CR1: variants seen among roughly 807,000 people sequenced by gnomAD.
The protein encoded by CR1 is complement receptor type 1.
A neutral mutation model predicts 187.3 loss-of-function variants in CR1; 116 were observed. That is an observed-to-expected ratio of 0.62 (90% CI 0.53 to 0.72). CR1 has a LOEUF of 0.72. Ranked by LOEUF, CR1 falls within the 30% of genes least tolerant of loss-of-function variation. The pLI is 0.00. For synonymous variants in CR1, 576 were observed against 747.1 expected (o/e 0.77, Z 3.73); for missense variants, 1,731 against 2,110.7 (o/e 0.82, Z 3.52).
intron 24 of CR1, among the ~76,000 whole-genome samples, chr1:207,567,010 A>C (rs1379484953): frequency 2.0e-5 from 3 of 150,336 alleles, no homozygotes; most frequent in Non-Finnish European, 2.9e-5. Context: ...TACTATCATG[A>C]ATGAAAGCTC....
rs1473240718 is a variant in CR1, at chr1:207,640,590, A to G, written c.*1181A>G. 6.6e-6 allele frequency: 1 copy of G among 152,242 alleles called. No homozygotes were observed. Among genetic ancestry groups the G allele is most frequent in the Admixed American group, 6.5e-5 (1 of 15,284 alleles). 9.4% of individuals were successfully genotyped at this position (152,242 alleles called of 1,614,324 possible). A position where few individuals can be genotyped will look rare whatever the true frequency, so the allele number is the denominator to read the frequency against. ...GAATATACTAAATTAACTTTTTAAA[A>G]CACAACTTTTAAAAAATGTATCAAA... On this transcript the variant is annotated 3_prime_UTR_variant, in exon 47 of 47. Coordinates refer to ENST00000367049, the MANE Select transcript of CR1 (RefSeq NM_000651.6).
In CR1 at chr1:207,583,648, A is replaced by C. The variant is rs183836790; in HGVS notation, c.5303-1001A>C. Among the ~76,000 whole-genome samples, 309 of 152,364 alleles carry C rather than the reference A, an allele frequency of 2.0e-3. 2 individuals carry two copies. The highest frequency in any genetic ancestry group is 7.2e-3 in the African/African-American group (301 of 41,574). On this transcript the variant is annotated intron_variant, in intron 32 of 46. Transcript: ENST00000367049. ...ACATGTTTACAATAGAATTTTGCTCATATGAATACTTTGCCTTAAATCATT... is the reference window on the plus strand; with the variant it reads ...ACATGTTTACAATAGAATTTTGCTCCTATGAATACTTTGCCTTAAATCATT...
Position 207,565,261 on chromosome 1 carries a change from G to C in CR1, c.3867-577G>C, listed in dbSNP as rs147516284. Among the ~76,000 whole-genome samples the C allele has an allele frequency of 2.9e-4, 43 of 150,344 alleles. 1 individual carries two copies. Among genetic ancestry groups the C allele is most frequent in the Admixed American group, 2.4e-3 (36 of 15,248 alleles). ...AGGGTCCAAAAGACTGAGAATTTTC[G>C]ACAATTGCATACAAAAATCATGTCC... On this transcript the variant is annotated intron_variant, in intron 23 of 46. Transcript: ENST00000367049.
At chr1:207,516,657 CTTTAA>C (rs1659817553) in intron 4 of CR1, among the ~76,000 whole-genome samples, 1 of 152,164 alleles carries the variant, frequency 6.6e-6, no homozygotes, top group Admixed American at 6.5e-5. Flanking sequence ...TTGAAGTCTT[CTTTAA>C]TTTCTTTTAA....
intron 46 of CR1, among the ~76,000 whole-genome samples, chr1:207,636,109 A>G (rs150127566): frequency 1.3e-5 from 2 of 151,776 alleles, no homozygotes; most frequent in African/African-American, 4.8e-5. Context: ...CATCATCATC[A>G]TGGCTGTTTC....
intron 27 of CR1, among the ~76,000 whole-genome samples, chr1:207,575,301 A>G (rs192748652): frequency 3.1e-4 from 47 of 152,330 alleles, no homozygotes; most frequent in Admixed American, 7.2e-4. Context: ...TTTAAGAAAA[A>G]AATTGTCAAA....
intron 28 of CR1, among the ~76,000 whole-genome samples, chr1:207,577,420 TG>T (rs1377156787): frequency 2.0e-5 from 3 of 152,216 alleles, no homozygotes; most frequent in Non-Finnish European, 4.4e-5. Flanking sequence ...TATTTACTTC[TG>T]GTAATTTGAA....
intron 37 of CR1, among the ~76,000 whole-genome samples, chr1:207,610,324 A>ATTGT (rs977924087): frequency 1.3e-5 from 2 of 151,732 alleles, no homozygotes; most frequent in South Asian, 2.1e-4. Context: ...AGGTTTTTTG[A>ATTGT]TTGTTTGTTT....
intron 27 of CR1, among the ~76,000 whole-genome samples, chr1:207,575,093 A>G (rs1204576673): frequency 6.6e-6 from 1 of 152,190 alleles, no homozygotes; most frequent in African/African-American, 2.4e-5. Flanking sequence ...TTATCTCAAT[A>G]CATTTGGTTT....
chr1:207,591,430 C>A (rs1661269384), intron 35 of CR1, among the ~76,000 whole-genome samples: 1 of 152,200 alleles, frequency 6.6e-6, no homozygotes, highest in Admixed American at 6.5e-5. Context: ...GTACCAGAAT[C>A]TCTGGGACAC....
chr1:207,578,423 AT>A (rs1660835985), intron 29 of CR1, among the ~76,000 whole-genome samples: 1 of 152,212 alleles, frequency 6.6e-6, no homozygotes, highest in Non-Finnish European at 1.5e-5. Flanking sequence ...GAAAAAAGCT[AT>A]TTTGGACTCA....
In CR1 at chr1:207,524,608, G is replaced by A. The variant is rs188473867; in HGVS notation, c.886+599G>A. 4.4e-3 allele frequency among the ~76,000 whole-genome samples: 670 copies of A among 151,996 alleles called. 5 individuals carry two copies. Among genetic ancestry groups the A allele is most frequent in the South Asian group, 0.01 (50 of 4,824 alleles). ...TCACCATGTTGCCCAGGCTGGTCTC[G>A]AACTCCTCAGCTCAAGCAATTCACC... On this transcript the variant is annotated intron_variant, in intron 5 of 46. Transcript: ENST00000367049.
intron 32 of CR1, among the ~76,000 whole-genome samples, chr1:207,583,116 T>A (rs897410370): frequency 4.0e-5 from 6 of 151,554 alleles, no homozygotes; most frequent in Admixed American, 1.3e-4. Context: ...GGATTAAGAG[T>A]TGCAAAGGTG....
At chr1:207,499,099 A>G (rs1572981336) in intron 1 of CR1, among the ~76,000 whole-genome samples, 2 of 152,208 alleles carry the variant, frequency 1.3e-5, no homozygotes, top group East Asian at 3.9e-4. Flanking sequence ...ACAAGACCCA[A>G]CTATATACTG....
intron 46 of CR1, among the ~76,000 whole-genome samples, chr1:207,638,761 T>A (rs995977969): frequency 1.3e-5 from 2 of 152,208 alleles, no homozygotes; most frequent in Admixed American, 6.5e-5. Context: ...ACCACATCAG[T>A]ACGAATTTGA....
rs765154374 is a variant in CR1 at position 207,496,327 on chromosome 1, C to T, written c.60C>T (p.Pro20=). 2.4e-5 allele frequency: 39 copies of T among 1,613,324 alleles called. No homozygotes were observed. The highest frequency in any genetic ancestry group is 2.9e-5 in the Non-Finnish European group (34 of 1,179,806). ...TCGGGCCGCCGGCGCCCGGTCTCCC[C>T]TTCTGCTGCGGAGGATCCCTGCTGG... ...EPVGPPAPGL[P]FCCGGSLLAV... is the part of the protein sequence containing the mutation. Residue 20 remains proline, a synonymous_variant, in exon 1 of 47, where the codon CCC becomes CCT. Coordinates refer to ENST00000367049, the MANE Select transcript of CR1 (RefSeq NM_000651.6).
At position 207,523,985 on chromosome 1, in the gene CR1, C is replaced by A; in HGVS notation, c.862C>A (p.Pro288Thr). The change falls in exon 5 of 47, where the codon CCG becomes ACG. Residue 288 changes from proline to threonine, a missense_variant. This residue lies in a region of CR1 where 131 missense variants were observed against 196.8 expected (regional missense o/e 0.67). Coordinates refer to ENST00000367049, the MANE Select transcript of CR1 (RefSeq NM_000651.6). ...VKCQALNKWE[P>T]ELPSCSRVCQ... Reference sequence around the variant, plus strand: ...GTGCCAGGCCCTGAACAAATGGGAGCCGGAGCTACCAAGCTGCTCCAGGGG... The same window carrying A: ...GTGCCAGGCCCTGAACAAATGGGAGACGGAGCTACCAAGCTGCTCCAGGGG... 6.2e-7 allele frequency: 1 copy of A among 1,611,768 alleles called. No individual in the cohort carries two copies. Among genetic ancestry groups the A allele is most frequent in the South Asian group, 1.1e-5 (1 of 90,990 alleles).
At chr1:207,583,037 G>A (rs1244775545) in intron 32 of CR1, among the ~76,000 whole-genome samples, 1 of 151,970 alleles carries the variant, frequency 6.6e-6, no homozygotes, top group Non-Finnish European at 1.5e-5. Context: ...AATCAGGACT[G>A]AAAGAGATCT....
intron 39 of CR1, among the ~76,000 whole-genome samples, chr1:207,613,271 C>T (rs926952233): frequency 2.0e-5 from 3 of 152,134 alleles, no homozygotes; most frequent in African/African-American, 4.8e-5. Flanking sequence ...TCTCTCTCAG[C>T]GTGGCTGGTT....
Sources: gnomAD v4.1 joint callset for allele counts (sites outside exome capture counted in the v4.1 genomes callset) on GRCh38, gnomAD v4.1.1 for gene constraint, gnomAD v4.1.1 regional missense constraint, MANE v1.5 for transcripts, NCBI Gene and HGNC (gene_info 2026-07-23, HGNC 2026-07-21) for gene names.